Variants in SLC9A7 observed in about 807,000 individuals in gnomAD.
The protein encoded by SLC9A7 is solute carrier family 9 member A7.
A neutral mutation model predicts 52.6 loss-of-function variants in SLC9A7; 19 were observed. The ratio of observed to expected loss-of-function variants is 0.36; its 90% CI spans 0.25 to 0.53. The LOEUF (loss-of-function observed/expected upper bound fraction) is 0.53, where lower values mean the gene tolerates loss of function less well. SLC9A7 is among the 20% of genes least tolerant of loss of function. The probability of loss-of-function intolerance (pLI) is 0.91; values close to 1 mark genes in which losing one functional copy is unlikely to be tolerated. For synonymous variants in SLC9A7, 226 were observed against 252.1 expected, an observed-to-expected ratio of 0.90 and a Z score of 0.98; for missense variants, 455 against 597.9, an observed-to-expected ratio of 0.76 and a Z score of 2.49.
At position 46,638,512 on chromosome X, in the gene SLC9A7, C is replaced by T. The variant is rs182728133; in HGVS notation, c.1617-2864G>A. On this transcript the variant is annotated intron_variant, in intron 12 of 16. Transcript: ENST00000616978. ...AAAATTGGCAAATGTCTAGCAAGAC[C>T]GACCAAAAACAGAGAAGATATATCA... Among the ~76,000 whole-genome samples the T allele has an allele frequency of 3.2e-3, 358 of 111,288 alleles. 1 individual carries two copies. Among genetic ancestry groups the T allele is most frequent in the African/African-American group, 0.011 (343 of 30,675 alleles).
intron 1 of SLC9A7, among the ~76,000 whole-genome samples, chrX:46,750,195 A>G (rs752765980): frequency 1.6e-4 from 18 of 111,705 alleles, no homozygotes; most frequent in Non-Finnish European, 3.2e-4. Context: ...GTTCTGCTCT[A>G]TCCTGGCCAA....
chrX:46,613,692 T>C (rs1366723097), intron 15 of SLC9A7, among the ~76,000 whole-genome samples: 1 of 111,886 alleles, frequency 8.9e-6, no homozygotes, highest in Non-Finnish European at 1.9e-5. Flanking sequence ...TGAATGGAAG[T>C]TTTGGTTTCA....
chrX:46,731,074 A>G (rs1455237348), intron 1 of SLC9A7, among the ~76,000 whole-genome samples: 2 of 109,987 alleles, frequency 1.8e-5, no homozygotes, highest in Admixed American at 2.0e-4. Context: ...ATTTTAAAAT[A>G]TGTTCTAAGG....
At chrX:46,668,028 C>T (rs1401119855) in intron 5 of SLC9A7, among the ~76,000 whole-genome samples, 2 of 111,481 alleles carry the variant, frequency 1.8e-5, no homozygotes, top group East Asian at 2.8e-4. Context: ...GCAGGAATGC[C>T]GCACAAAAGG....
chrX:46,617,596 A>C (rs1220982403), intron 15 of SLC9A7, among the ~76,000 whole-genome samples: 1 of 112,533 alleles, frequency 8.9e-6, no homozygotes, highest in African/African-American at 3.2e-5. Context: ...TACCTGTTGC[A>C]GCTGTTCTTA....
intron 5 of SLC9A7, among the ~76,000 whole-genome samples, chrX:46,663,663 A>G (rs1240560339): frequency 1.1e-5 from 1 of 89,591 alleles, no homozygotes; most frequent in Non-Finnish European, 2.2e-5. Context: ...AAAAAAGGAA[A>G]GAAAGAAAAA....
At chrX:46,612,985 G>C (rs1205850020) in intron 16 of SLC9A7, among the ~76,000 whole-genome samples, 2 of 97,156 alleles carry the variant, frequency 2.1e-5, no homozygotes, top group African/African-American at 7.4e-5. Context: ...AAAGAACTGA[G>C]ATGCAGAGCA....
intron 1 of SLC9A7, among the ~76,000 whole-genome samples, chrX:46,733,696 A>G (rs1322405477): frequency 9.0e-6 from 1 of 111,493 alleles, no homozygotes; most frequent in Non-Finnish European, 1.9e-5. Context: ...GATTAAGTTA[A>G]GATGACTATT....
intron 5 of SLC9A7, among the ~76,000 whole-genome samples, chrX:46,667,183 C>T (rs899015811): frequency 8.1e-5 from 9 of 111,263 alleles, no homozygotes; most frequent in African/African-American, 2.3e-4. Context: ...ATCATTTCTA[C>T]TTTATATATG....
chrX:46,728,767 G>A (rs989188814), intron 1 of SLC9A7, among the ~76,000 whole-genome samples: 1 of 112,355 alleles, frequency 8.9e-6, no homozygotes, highest in Non-Finnish European at 1.9e-5. Flanking sequence ...GAATATATAA[G>A]TAAACTGTGA....
intron 1 of SLC9A7, chrX:46,725,497 C>A: frequency 1.0e-6 from 1 of 1,004,468 alleles, no homozygotes; most frequent in Non-Finnish European, 1.4e-6. Context: ...AGTTTCATAG[C>A]ATCAACCGTG....
In SLC9A7 at chrX:46,603,002, T is replaced by C. The variant is rs1942682872; in HGVS notation, c.*3950A>G. The stretch of plus-strand genomic sequence containing the variant: ...GTAATCAAATAAGGACTTAGAACAC[T>C]GGAAAGCAGTTCTGATTCCAAATGG... On this transcript the variant is annotated 3_prime_UTR_variant, in exon 17 of 17. Coordinates refer to ENST00000616978, the MANE Select transcript of SLC9A7 (RefSeq NM_001257291.2). The C allele has an allele frequency of 8.9e-6, 1 of 112,442 alleles. No individual in the cohort carries two copies. Among genetic ancestry groups the C allele is most frequent in the African/African-American group, 3.2e-5 (1 of 30,936 alleles). 9.3% of individuals were successfully genotyped at this position (112,442 alleles called of 1,213,427 possible).
chrX:46,605,489 A>AGTG lies in SLC9A7; in HGVS notation c.*1460_*1462dup, dbSNP rs1020379828. 1.7e-4 allele frequency: 19 copies of AGTG among 111,395 alleles called. No individual in the cohort carries two copies. Among genetic ancestry groups the AGTG allele is most frequent in the African/African-American group, 5.9e-4 (18 of 30,610 alleles). 9.2% of individuals were successfully genotyped at this position (111,395 alleles called of 1,213,427 possible). A position where few individuals can be genotyped will look rare whatever the true frequency, so the allele number is the denominator to read the frequency against. On this transcript the variant is annotated 3_prime_UTR_variant, in exon 17 of 17. Coordinates refer to ENST00000616978, the MANE Select transcript of SLC9A7 (RefSeq NM_001257291.2). ...AATGACCCTTCTCTGCATGGCACTCAGTGGTGTAAAGACACTCGGACTCTT... is the reference window on the plus strand; with the variant it reads ...AATGACCCTTCTCTGCATGGCACTCAGTGGTGGTGTAAAGACACTCGGACTCTT...
Position 46,759,061 on chromosome X carries a change from G to A in SLC9A7, c.-32C>T. ...GGGGCCCCCCGCGCCTCCTCCGAGC[G>A]GGGACCAGCAGCCCGCGCCGTCGGC... On this transcript the variant is annotated 5_prime_UTR_variant, in exon 1 of 17. Coordinates refer to ENST00000616978, the MANE Select transcript of SLC9A7 (RefSeq NM_001257291.2). The A allele has an allele frequency of 2.3e-6, 2 of 884,907 alleles. No homozygotes were observed. The highest frequency in any genetic ancestry group is 2.8e-6 in the Non-Finnish European group (2 of 716,696). 72.9% of individuals were successfully genotyped at this position (884,907 alleles called of 1,213,427 possible).
rs1232754329 is a variant in SLC9A7, at chrX:46,602,276, A to G, written c.*4676T>C. On this transcript the variant is annotated 3_prime_UTR_variant, in exon 17 of 17. Transcript: ENST00000616978. ...ATGGAGTATGTTCTTGAGTTCTGCA[A>G]AGATTAGCATCAAACTCTCTCACAG... 1 of 112,002 alleles carries G rather than the reference A, an allele frequency of 8.9e-6. No homozygotes were observed. The highest frequency in any genetic ancestry group is 1.9e-5 in the Non-Finnish European group (1 of 53,256). 9.2% of individuals were successfully genotyped at this position (112,002 alleles called of 1,213,427 possible).
At chrX:46,672,742 A>G in intron 3 of SLC9A7, 115 bp from the exon 4 acceptor site, 1 of 509,137 alleles carries the variant, frequency 2.0e-6, no homozygotes, top group South Asian at 3.5e-5. Flanking sequence ...TTTCCATTAC[A>G]TCAAGTAACA....
intron 15 of SLC9A7, among the ~76,000 whole-genome samples, chrX:46,614,683 C>A (rs1337514583): frequency 8.9e-6 from 1 of 112,045 alleles, no homozygotes; most frequent in African/African-American, 3.2e-5. Flanking sequence ...AATATCAGCG[C>A]TACCAAACGC....
intron 1 of SLC9A7, among the ~76,000 whole-genome samples, chrX:46,752,089 C>T (rs1448321647): frequency 8.9e-6 from 1 of 111,978 alleles, no homozygotes; most frequent in African/African-American, 3.2e-5. Flanking sequence ...TACCCTTTCA[C>T]TAGGCACCTA....
chrX:46,627,096 G>A (rs1232464492), intron 14 of SLC9A7, among the ~76,000 whole-genome samples: 2 of 111,189 alleles, frequency 1.8e-5, no homozygotes, highest in African/African-American at 6.6e-5. Context: ...AAGATCACTT[G>A]AGCCCAGGAG....
Sources: gnomAD v4.1 joint callset for allele counts (sites outside exome capture counted in the v4.1 genomes callset) on GRCh38, gnomAD v4.1.1 for gene constraint, MANE v1.5 for transcripts, NCBI Gene and HGNC (gene_info 2026-07-23, HGNC 2026-07-21) for gene names.